The following PRIM2 variants were observed in gnomAD, a reference collection of about 807,000 sequenced individuals.
PRIM2 encodes DNA primase subunit 2, also known as DNA primase large subunit.
PRIM2 carries 39 observed loss-of-function variants against 67.3 expected under a neutral mutation model. The observed-to-expected ratio is 0.58, with a 90% CI of 0.45 to 0.76. The LOEUF (loss-of-function observed/expected upper bound fraction) is 0.76. Among genes scored for constraint, PRIM2 ranks in the 30% least tolerant of loss-of-function variants. PRIM2 has a pLI of 0.00. For missense variants in PRIM2, 398 were observed against 598.7 expected (o/e 0.66, Z 3.50); for synonymous variants, 143 against 198.7 (o/e 0.72, Z 2.36).
intron 7 of PRIM2, among the ~76,000 whole-genome samples, chr6:57,480,922 G>A (rs1441095953): frequency 1.3e-5 from 2 of 152,094 alleles, no homozygotes; most frequent in Non-Finnish European, 2.9e-5. Context: ...CATCGCACCC[G>A]GCCCATTTCT....
At chr6:57,275,193 T>G in the PRIM2 span, among the ~76,000 whole-genome samples, 1 of 152,088 alleles carries the variant, frequency 6.6e-6, no homozygotes, top group Admixed American at 6.6e-5. Flanking sequence ...ATTTTCAAGG[T>G]AAGCAAGCAA....
intron 10 of PRIM2, among the ~76,000 whole-genome samples, chr6:57,542,308 AAG>A: frequency 6.6e-6 from 1 of 152,262 alleles, no homozygotes; most frequent in East Asian, 1.9e-4. Flanking sequence ...TTGAAGTGAA[AAG>A]AGAGAAGTTG....
At chr6:57,485,804 T>G (rs1271260373) in intron 7 of PRIM2, among the ~76,000 whole-genome samples, 2 of 152,168 alleles carry the variant, frequency 1.3e-5, no homozygotes, top group Non-Finnish European at 2.9e-5. Flanking sequence ...AGACACTTAT[T>G]GAATGAAAAC....
chr6:57,416,042 G>A (rs1771249355), intron 7 of PRIM2, among the ~76,000 whole-genome samples: 2 of 152,250 alleles, frequency 1.3e-5, no homozygotes, highest in East Asian at 3.9e-4. Context: ...GTTCTTAATG[G>A]CATCTAGATT....
chr6:57,587,642 C>T (rs1165236527), intron 10 of PRIM2, among the ~76,000 whole-genome samples: 12 of 110,262 alleles, frequency 1.1e-4, no homozygotes, highest in Non-Finnish European at 1.5e-4. Context: ...CCAGCCTGGG[C>T]AACAAGAGTG....
chr6:57,475,527 A>T (rs1773456088), intron 7 of PRIM2, among the ~76,000 whole-genome samples: 1 of 152,210 alleles, frequency 6.6e-6, no homozygotes, highest in Admixed American at 6.5e-5. Flanking sequence ...AGCATATGTC[A>T]GTACTCCATT....
chr6:57,552,844 CAGTTTTTAGACTTTTTTTTGTACGAA>C (rs1161639266), intron 10 of PRIM2, among the ~76,000 whole-genome samples: 3 of 152,026 alleles, frequency 2.0e-5, no homozygotes, highest in Non-Finnish European at 4.4e-5. Context: ...CTTCCTTTGG[CAGTTTTTAGACTTTTTTTTGTACGAA>C]GAAACCCCTT....
intron 13 of PRIM2, among the ~76,000 whole-genome samples, chr6:57,642,820 T>G (rs1404327829): frequency 1.3e-5 from 2 of 152,186 alleles, no homozygotes; most frequent in East Asian, 3.9e-4. Flanking sequence ...TATCGTTTAG[T>G]GTTTGGAATT....
the PRIM2 span, among the ~76,000 whole-genome samples, chr6:57,241,999 A>C: frequency 1.3e-5 from 2 of 152,102 alleles, no homozygotes; most frequent in African/African-American, 4.8e-5. Context: ...TAAACTATGA[A>C]TATGTAAATA....
chr6:57,236,761 C>T, the PRIM2 span, among the ~76,000 whole-genome samples: 2 of 152,132 alleles, frequency 1.3e-5, no homozygotes, highest in African/African-American at 4.8e-5. Flanking sequence ...TTTTTTATGG[C>T]TGCATAGTTT....
At chr6:57,626,610 T>C (rs1330116027) in intron 12 of PRIM2, among the ~76,000 whole-genome samples, 2 of 151,188 alleles carry the variant, frequency 1.3e-5, no homozygotes, top group Non-Finnish European at 2.9e-5. Context: ...TTTGTGAAGA[T>C]GAAAACTGCA....
chr6:57,551,309 G>A (rs1775396888), intron 10 of PRIM2, among the ~76,000 whole-genome samples: 2 of 152,166 alleles, frequency 1.3e-5, no homozygotes, highest in Non-Finnish European at 2.9e-5. Flanking sequence ...CTAGAGGGAT[G>A]TTTACTCAAG....
At chr6:57,299,521 C>A in the PRIM2 span, among the ~76,000 whole-genome samples, 1 of 152,184 alleles carries the variant, frequency 6.6e-6, no homozygotes. Context: ...GAAGTGATAA[C>A]TTCCTGAGCT....
chr6:57,370,956 C>G (rs1769534169), intron 5 of PRIM2, among the ~76,000 whole-genome samples: 1 of 152,014 alleles, frequency 6.6e-6, no homozygotes, highest in African/African-American at 2.4e-5. Context: ...CCTCAGCCTC[C>G]CAAAGTGCTG....
chr6:57,383,279 A>G (rs1770022832), intron 7 of PRIM2: 2 of 151,914 alleles, frequency 1.3e-5, no homozygotes, highest in African/African-American at 4.8e-5. Flanking sequence ...TTATTCACCC[A>G]TATTCTCTCT....
chr6:57,583,258 A>T (rs1202074216), intron 10 of PRIM2, among the ~76,000 whole-genome samples: 1 of 149,320 alleles, frequency 6.7e-6, no homozygotes, highest in Admixed American at 6.7e-5. Flanking sequence ...TACATGTGAC[A>T]TGCTGGTGCA....
chr6:57,434,182 C>T (rs530488188), intron 7 of PRIM2, among the ~76,000 whole-genome samples: 42 of 152,040 alleles, frequency 2.8e-4, no homozygotes, highest in Admixed American at 8.5e-4. Context: ...GCCTCGGCCT[C>T]CTAAAGTGTT....
the PRIM2 span, among the ~76,000 whole-genome samples, chr6:57,297,771 C>G: frequency 7.2e-5 from 11 of 152,026 alleles, no homozygotes. Flanking sequence ...ATAATTCTGC[C>G]AAAAATGCAC....
At chr6:57,374,726 G>T (rs1281340183) in intron 5 of PRIM2, among the ~76,000 whole-genome samples, 3 of 152,056 alleles carry the variant, frequency 2.0e-5, no homozygotes, top group African/African-American at 7.2e-5. Flanking sequence ...GAGTAGCTGG[G>T]ATTACAGGTG....
Sources: gnomAD v4.1 joint callset for allele counts (sites outside exome capture counted in the v4.1 genomes callset) on GRCh38, gnomAD v4.1.1 for gene constraint, MANE v1.5 for transcripts, NCBI Gene and HGNC (gene_info 2026-07-23, HGNC 2026-07-21) for gene names.